Variants in MYH15 observed in about 807,000 individuals in gnomAD.
MYH15 encodes the protein myosin-15.
In MYH15, 227 loss-of-function variants were observed where a neutral mutation model predicts 240.5. The ratio of observed to expected loss-of-function variants is 0.94; its 90% CI spans 0.85 to 1.05. MYH15 has a LOEUF of 1.05. Ranked by LOEUF, MYH15 falls within the 50% of genes least tolerant of loss-of-function variation. MYH15 has a pLI of 0.00. For missense variants in MYH15, 2,217 were observed against 2,247.5 expected (o/e 0.99, Z 0.27); for synonymous variants, 785 against 796.7 (o/e 0.99, Z 0.25).
At chr3:108,383,794 T>C (rs1212993365) in intron 39 of MYH15, 65 bp from the exon 40 acceptor site, 8 of 1,212,392 alleles carry the variant, frequency 6.6e-6, no homozygotes, top group African/African-American at 3.1e-5. Flanking sequence ...TTTTTTTTTC[T>C]GCTCTGACAT....
chr3:108,537,285 G>A, the MYH15 span, among the ~76,000 whole-genome samples: 1 of 152,154 alleles, frequency 6.6e-6, no homozygotes, highest in South Asian at 2.1e-4. Context: ...AGGACACACA[G>A]TCCCATATAT....
Position 108,500,171 on chromosome 3 carries a change from G to C in MYH15, c.443C>G (p.Ala148Gly). 6.2e-7 allele frequency: 1 copy of C among 1,614,056 alleles called. No homozygotes were observed. The highest frequency in any genetic ancestry group is 8.5e-7 in the Non-Finnish European group (1 of 1,179,944). Residue 148 changes from alanine to glycine, a missense_variant, in exon 4 of 41, where the codon GCT becomes GGT. Ala to Gly is a moderately conservative substitution (Grantham distance 60). Coordinates refer to ENST00000693548, the MANE Select transcript of MYH15 (RefSeq NM_014981.3). Reference sequence around the variant, plus strand: ...GGCAACAGCAAAGATGTGAGGGGGAGCCTCTGATCGCCTCTTCCCTTTGTA... The same window carrying C: ...GGCAACAGCAAAGATGTGAGGGGGACCCTCTGATCGCCTCTTCCCTTTGTA... ...AAYKGKRRSEAPPHIFAVANN... is the reference protein window; with the variant it reads ...AAYKGKRRSEGPPHIFAVANN...
At chr3:108,538,696 G>A in the MYH15 span, among the ~76,000 whole-genome samples, 2 of 152,264 alleles carry the variant, frequency 1.3e-5, no homozygotes, top group Admixed American at 6.5e-5. Context: ...GTATATAAAA[G>A]TTCCCTTTAA....
chr3:108,416,794 A>T lies in MYH15; in HGVS notation c.3948+18T>A, dbSNP rs1281766173. The T allele has an allele frequency of 1.3e-6, 2 of 1,568,186 alleles. No individual in the cohort carries two copies. The highest frequency in any genetic ancestry group is 1.8e-6 in the Non-Finnish European group (2 of 1,142,820). On this transcript the variant is annotated intron_variant, in intron 29 of 40. Coordinates refer to ENST00000693548, the MANE Select transcript of MYH15 (RefSeq NM_014981.3). ...AACACACAGTCAAGAAACTAGTGAG[A>T]AATAATAGATACATTACTTTGGTCT... is the stretch of plus-strand genomic sequence containing the variant.
At chr3:108,498,870 C>G (rs1021948764) in intron 5 of MYH15, among the ~76,000 whole-genome samples, 1 of 152,250 alleles carries the variant, frequency 6.6e-6, no homozygotes, top group Non-Finnish European at 1.5e-5. Flanking sequence ...TAGCACTTCA[C>G]AGCCCCTTGA....
intron 35 of MYH15, 32 bp downstream of exon 35, chr3:108,398,605 C>G: frequency 1.2e-6 from 2 of 1,609,230 alleles, no homozygotes; most frequent in Non-Finnish European, 1.7e-6. Flanking sequence ...AACCAACTGG[C>G]CCAGCTAATA....
chr3:108,509,988 G>C (rs1214862802), intron 1 of MYH15, among the ~76,000 whole-genome samples: 1 of 152,150 alleles, frequency 6.6e-6, no homozygotes, highest in Non-Finnish European at 1.5e-5. Context: ...TGGAGAGCCA[G>C]AGACAACTTC....
intron 11 of MYH15, among the ~76,000 whole-genome samples, chr3:108,483,840 A>G (rs1039347063): frequency 6.6e-6 from 1 of 152,236 alleles, no homozygotes; most frequent in Non-Finnish European, 1.5e-5. Context: ...GCCAGTTACA[A>G]AAGGTCAAAT....
intron 9 of MYH15, among the ~76,000 whole-genome samples, chr3:108,489,443 C>A (rs944905735): frequency 6.6e-6 from 1 of 152,058 alleles, no homozygotes. Context: ...GCTATACAGA[C>A]GGCAGTAAGA....
upstream of MYH15, among the ~76,000 whole-genome samples, chr3:108,530,472 TA>T (rs1342230935): frequency 8.5e-5 from 13 of 152,208 alleles, no homozygotes; most frequent in African/African-American, 3.1e-4. Context: ...GGGGATTTTT[TA>T]GGGCAGTGAA....
intron 21 of MYH15, among the ~76,000 whole-genome samples, chr3:108,453,442 T>C (rs1043582331): frequency 1.3e-5 from 2 of 152,200 alleles, no homozygotes; most frequent in African/African-American, 4.8e-5. Context: ...GTCCCTTTGT[T>C]TGGAGATTTT....
rs187501694 is a variant in MYH15, at chr3:108,464,675, A to G, written c.1694T>C (p.Phe565Ser). ...ATGGACAAGTTCAAAATGAGCTTCAAATTTCTTCTTATCAGGCTTGGGCTT... is the reference window on the plus strand; with the variant it reads ...ATGGACAAGTTCAAAATGAGCTTCAGATTTCTTCTTATCAGGCTTGGGCTT... ...LQKPKPDKKK[F>S]EAHFELVHYA... Residue 565 changes from phenylalanine to serine, a missense_variant, in exon 15 of 41, where the codon TTT becomes TCT. Phe to Ser is a radical substitution (Grantham distance 155). Coordinates refer to ENST00000693548, the MANE Select transcript of MYH15 (RefSeq NM_014981.3). 1.3e-5 allele frequency: 21 copies of G among 1,613,624 alleles called. No homozygotes were observed. Among genetic ancestry groups the G allele is most frequent in the Middle Eastern group, 1.7e-4 (1 of 6,052 alleles).
intron 2 of MYH15, among the ~76,000 whole-genome samples, chr3:108,504,547 C>T (rs893800741): frequency 1.3e-5 from 2 of 152,072 alleles, no homozygotes; most frequent in Non-Finnish European, 2.9e-5. Flanking sequence ...CAAACTTTCT[C>T]GATATCAATA....
chr3:108,454,595 A>T (rs2083004278), intron 20 of MYH15, among the ~76,000 whole-genome samples: 1 of 152,190 alleles, frequency 6.6e-6, no homozygotes, highest in Admixed American at 6.5e-5. Flanking sequence ...TGAACCATCT[A>T]AAACCATTTT....
intron 1 of MYH15, among the ~76,000 whole-genome samples, chr3:108,527,535 T>A (rs549513657): frequency 1.9e-4 from 29 of 152,238 alleles, no homozygotes; most frequent in East Asian, 7.7e-4. Flanking sequence ...ATTATTTTTT[T>A]AAAAAAATCA....
chr3:108,531,651 C>T (rs1388943297), upstream of MYH15, among the ~76,000 whole-genome samples: 2 of 152,042 alleles, frequency 1.3e-5, no homozygotes, highest in South Asian at 2.1e-4. Flanking sequence ...CTGGTGGGCA[C>T]CCATAGTCCC....
the MYH15 span, among the ~76,000 whole-genome samples, chr3:108,545,613 T>C: frequency 6.6e-6 from 1 of 152,172 alleles, no homozygotes; most frequent in Non-Finnish European, 1.5e-5. Flanking sequence ...TAAAGTAACA[T>C]TGTACTTCTA....
chr3:108,516,197 T>C (rs1409859802), intron 1 of MYH15, among the ~76,000 whole-genome samples: 1 of 152,352 alleles, frequency 6.6e-6, no homozygotes, highest in East Asian at 1.9e-4. Flanking sequence ...ATTGATTAGA[T>C]TCGCTTGAGT....
At chr3:108,496,006 G>T in intron 6 of MYH15, 134 bp from the exon 7 acceptor site, 1 of 575,514 alleles carries the variant, frequency 1.7e-6, no homozygotes, top group South Asian at 2.8e-5. Flanking sequence ...TCCAAATTTG[G>T]TTATATTATC....
Sources: gnomAD v4.1 joint callset for allele counts (sites outside exome capture counted in the v4.1 genomes callset) on GRCh38, gnomAD v4.1.1 for gene constraint, MANE v1.5 for transcripts, NCBI Gene and HGNC (gene_info 2026-07-23, HGNC 2026-07-21) for gene names.